PLCB1: variants seen among roughly 807,000 people sequenced by gnomAD.
PLCB1 encodes phospholipase C beta 1, also known as 1-phosphatidylinositol 4,5-bisphosphate phosphodiesterase beta-1.
In PLCB1, 46 loss-of-function variants were observed where a neutral mutation model predicts 161.8. The observed-to-expected ratio is 0.28, with a 90% CI of 0.22 to 0.36. The LOEUF (loss-of-function observed/expected upper bound fraction) is 0.36, where lower values mean the gene tolerates loss of function less well. Ranked by LOEUF, PLCB1 falls within the 10% of genes least tolerant of loss-of-function variation. PLCB1 has a pLI of 1.00. For synonymous variants in PLCB1, 517 were observed against 503.7 expected (o/e 1.03, Z -0.35); for missense variants, 1,016 against 1,472.5 (o/e 0.69, Z 5.07).
rs112682541 is a variant in PLCB1 at position 8,739,538 on chromosome 20, C to T, written c.2308+178C>T. 6.5e-3 allele frequency among the ~76,000 whole-genome samples: 983 copies of T among 152,288 alleles called. 9 individuals carry two copies. Among genetic ancestry groups the T allele is most frequent in the African/African-American group, 0.022 (912 of 41,558 alleles). On this transcript the variant is annotated intron_variant, in intron 21 of 31. Coordinates refer to ENST00000338037, the MANE Select transcript of PLCB1 (RefSeq NM_015192.4). Reference sequence around the variant, plus strand: ...GACATGTTGTAGTATTAATGTTAGTCAACTCTTTCAACAATAATTATGTGT... The same window carrying T: ...GACATGTTGTAGTATTAATGTTAGTTAACTCTTTCAACAATAATTATGTGT...
intron 2 of PLCB1, among the ~76,000 whole-genome samples, chr20:8,266,602 C>A (rs1294752006): frequency 2.0e-5 from 3 of 152,140 alleles, no homozygotes; most frequent in African/African-American, 7.2e-5. Context: ...AATTGGGGTG[C>A]TAATGAAACC....
chr20:8,267,566 C>A (rs187846368), intron 2 of PLCB1, among the ~76,000 whole-genome samples: 25 of 152,306 alleles, frequency 1.6e-4, no homozygotes, highest in Admixed American at 5.2e-4. Flanking sequence ...GCATCCCAAT[C>A]CCTGTCTCAG....
At chr20:8,518,957 C>T (rs1984244459) in intron 3 of PLCB1, among the ~76,000 whole-genome samples, 1 of 151,930 alleles carries the variant, frequency 6.6e-6, no homozygotes, top group Non-Finnish European at 1.5e-5. Flanking sequence ...GTTCTTGCTC[C>T]TATAAGAATC....
intron 3 of PLCB1, among the ~76,000 whole-genome samples, chr20:8,383,109 A>G (rs1268211332): frequency 6.9e-6 from 1 of 145,520 alleles, no homozygotes; most frequent in South Asian, 2.1e-4. Flanking sequence ...TGTCTCATTG[A>G]TCTGTCTAAT....
intron 31 of PLCB1, among the ~76,000 whole-genome samples, chr20:8,815,173 CA>C (rs1336292461): frequency 2.0e-5 from 3 of 152,116 alleles, no homozygotes; most frequent in Admixed American, 2.0e-4. Context: ...TATTCATTTT[CA>C]GCTGTTATGA....
intron 3 of PLCB1, among the ~76,000 whole-genome samples, chr20:8,541,406 A>G (rs1024958804): frequency 6.6e-6 from 1 of 152,176 alleles, no homozygotes; most frequent in Non-Finnish European, 1.5e-5. Context: ...GGAGTTGTCA[A>G]TCTCCAGGAT....
At chr20:8,839,920 A>T (rs532984459) in intron 31 of PLCB1, among the ~76,000 whole-genome samples, 1 of 151,844 alleles carries the variant, frequency 6.6e-6, no homozygotes, top group Non-Finnish European at 1.5e-5. Flanking sequence ...AGTCCTAGCT[A>T]TTTGGGAGGC....
At chr20:8,881,455 T>A (rs1447938087) in intron 31 of PLCB1, among the ~76,000 whole-genome samples, 167 bp from the exon 32 acceptor site, 1 of 152,090 alleles carries the variant, frequency 6.6e-6, no homozygotes, top group East Asian at 1.9e-4. Flanking sequence ...ACAAATGATG[T>A]GTCCAACTAA....
intron 31 of PLCB1, among the ~76,000 whole-genome samples, chr20:8,838,516 A>G (rs1437239724): frequency 1.3e-5 from 2 of 152,222 alleles, no homozygotes; most frequent in African/African-American, 4.8e-5. Context: ...TCTGAAATGT[A>G]TACTTGGAAT....
intron 2 of PLCB1, among the ~76,000 whole-genome samples, chr20:8,257,554 T>G (rs1243828636): frequency 6.6e-6 from 1 of 152,168 alleles, no homozygotes. Context: ...GTGTTACCTG[T>G]GTGTTCTACA....
intron 3 of PLCB1, among the ~76,000 whole-genome samples, chr20:8,490,876 ATGTACACATATC>A (rs1364331842): frequency 1.4e-5 from 2 of 143,476 alleles, no homozygotes; most frequent in African/African-American, 5.0e-5. Flanking sequence ...ATATATATAT[ATGTACACATATC>A]TATATGTACA....
chr20:8,541,782 AT>A (rs1352496927), intron 3 of PLCB1, among the ~76,000 whole-genome samples: 2 of 152,200 alleles, frequency 1.3e-5, no homozygotes, highest in Admixed American at 6.5e-5. Context: ...GAAGTTTTGA[AT>A]CAATACTGAC....
intron 3 of PLCB1, among the ~76,000 whole-genome samples, chr20:8,407,942 A>G (rs1978858564): frequency 6.6e-6 from 1 of 152,170 alleles, no homozygotes; most frequent in South Asian, 2.1e-4. Flanking sequence ...TTCAAAAACA[A>G]GGAAAGTCTG....
chr20:8,228,662 A>G lies in PLCB1; in HGVS notation c.177+78291A>G, dbSNP rs192085989. On this transcript the variant is annotated intron_variant, in intron 2 of 31. Coordinates refer to ENST00000338037, the MANE Select transcript of PLCB1 (RefSeq NM_015192.4). The stretch of plus-strand genomic sequence containing the variant: ...AATACTGGAATTACAGATGTGCACC[A>G]CCACGCCCCACTAATTTTTTTTTGT... Among the ~76,000 whole-genome samples, 1,115 of 146,104 alleles carry G rather than the reference A, an allele frequency of 7.6e-3. 15 individuals carry two copies. Among genetic ancestry groups the G allele is most frequent in the African/African-American group, 0.027 (1,052 of 38,828 alleles).
intron 9 of PLCB1, 66 bp from the exon 10 acceptor site, chr20:8,684,866 A>T: frequency 7.5e-7 from 1 of 1,341,762 alleles, no homozygotes; most frequent in Non-Finnish European, 1.0e-6. Flanking sequence ...AAAAAAAAAA[A>T]AAAAGAGGCG....
At chr20:8,397,345 T>C (rs1433721475) in intron 3 of PLCB1, among the ~76,000 whole-genome samples, 1 of 152,160 alleles carries the variant, frequency 6.6e-6, no homozygotes, top group African/African-American at 2.4e-5. Flanking sequence ...TAATTTGCTA[T>C]ACACTTAGAT....
At chr20:8,679,943 T>A (rs910644025) in intron 9 of PLCB1, among the ~76,000 whole-genome samples, 2 of 152,196 alleles carry the variant, frequency 1.3e-5, no homozygotes, top group African/African-American at 4.8e-5. Flanking sequence ...TAATTCCTAA[T>A]ATATTAGCCT....
intron 3 of PLCB1, among the ~76,000 whole-genome samples, chr20:8,417,632 T>C (rs1568668290): frequency 6.6e-6 from 1 of 152,128 alleles, no homozygotes; most frequent in Non-Finnish European, 1.5e-5. Flanking sequence ...TTCAGAGCCA[T>C]GTCATAATAA....
chr20:8,823,948 T>C (rs1276575821), intron 31 of PLCB1, among the ~76,000 whole-genome samples: 1 of 152,018 alleles, frequency 6.6e-6, no homozygotes, highest in Non-Finnish European at 1.5e-5. Flanking sequence ...TTACTCCTGG[T>C]TCTCGGTGGG....
Sources: allele counts gnomAD v4.1 joint callset (sites outside exome capture counted in the v4.1 genomes callset), GRCh38; gene constraint gnomAD v4.1.1; transcripts MANE v1.5; gene names NCBI Gene and HGNC (gene_info 2026-07-23, HGNC 2026-07-21).